The following TMEM132E variants were observed in gnomAD, a reference collection of about 807,000 sequenced individuals.
TMEM132E encodes transmembrane protein 132E.
A neutral mutation model predicts 78.5 loss-of-function variants in TMEM132E; 49 were observed. The observed-to-expected ratio is 0.62, with a 90% CI of 0.50 to 0.79. The LOEUF is 0.79. Among genes scored for constraint, TMEM132E ranks in the 30% least tolerant of loss-of-function variants. TMEM132E has a pLI of 0.00. For synonymous variants in TMEM132E, 715 were observed against 670.6 expected, an observed-to-expected ratio of 1.07 and a Z score of -1.02; for missense variants, 1,403 against 1,470.9, an observed-to-expected ratio of 0.95 and a Z score of 0.75.
intron 1 of TMEM132E, among the ~76,000 whole-genome samples, chr17:34,604,533 T>C (rs1435285276): frequency 6.6e-6 from 1 of 152,160 alleles, no homozygotes; most frequent in Non-Finnish European, 1.5e-5. Flanking sequence ...TTCTCCTGTG[T>C]CATCACCTGC....
Position 34,629,013 on chromosome 17 carries a change from G to T in TMEM132E, c.1147G>T (p.Glu383Ter). Residue 383 changes from glutamate to a stop codon, truncating the protein, a stop_gained and splice_region_variant, in exon 4 of 9, where the codon GAG becomes TAG. Coordinates refer to ENST00000631683, the MANE Select transcript of TMEM132E (RefSeq NM_001304438.2). LOFTEE classifies it high-confidence loss of function. ...TCCTTCCCTCCCCTACCCTGGCAGGGAGGGCCAGGGCCCCTTGGAGATCTT... is the reference window on the plus strand; with the variant it reads ...TCCTTCCCTCCCCTACCCTGGCAGGTAGGGCCAGGGCCCCTTGGAGATCTT... ...WAQSTPLPPR[E>*]GQGPLEILQL... 1.3e-6 allele frequency: 2 copies of T among 1,553,374 alleles called. No homozygotes were observed. The highest frequency in any genetic ancestry group is 1.7e-6 in the Non-Finnish European group (2 of 1,146,218).
chr17:34,616,482 G>C (rs569930190), intron 1 of TMEM132E, among the ~76,000 whole-genome samples: 6 of 152,270 alleles, frequency 3.9e-5, no homozygotes, highest in African/African-American at 1.4e-4. Flanking sequence ...TGTATTCCCC[G>C]GCTACATGTC....
At chr17:34,609,156 A>G (rs1906510547) in intron 1 of TMEM132E, among the ~76,000 whole-genome samples, 1 of 152,178 alleles carries the variant, frequency 6.6e-6, no homozygotes, top group Admixed American at 6.5e-5. Context: ...TGTTTTGAGT[A>G]TGGAGTCTGG....
Position 34,628,722 on chromosome 17 carries a change from T to C in TMEM132E, c.1145+13T>C, listed in dbSNP as rs1907243242. ...CCCTGCCCCCCAGGTGAGCCCGAGG[T>C]GGTGCATCTACCCACCTCTTCGCAA... is the stretch of plus-strand genomic sequence containing the variant. On this transcript the variant is annotated intron_variant, in intron 3 of 8. Transcript: ENST00000631683. 1.3e-6 allele frequency: 2 copies of C among 1,574,610 alleles called. No individual in the cohort carries two copies. The highest frequency in any genetic ancestry group is 1.7e-6 in the Non-Finnish European group (2 of 1,159,140).
At chr17:34,618,740 T>TA (rs1416412098) in intron 1 of TMEM132E, among the ~76,000 whole-genome samples, 1 of 152,198 alleles carries the variant, frequency 6.6e-6, no homozygotes, top group African/African-American at 2.4e-5. Context: ...GCTGATTTTT[T>TA]AAAAAATGAA....
At chr17:34,613,284 G>A (rs1019809122) in intron 1 of TMEM132E, among the ~76,000 whole-genome samples, 3 of 150,854 alleles carry the variant, frequency 2.0e-5, no homozygotes, top group Non-Finnish European at 3.0e-5. Context: ...GATGCAGGCG[G>A]CTGTGCCAGT....
Position 34,581,003 on chromosome 17 carries a change from T to C in TMEM132E, c.-74T>C. On this transcript the variant is annotated 5_prime_UTR_variant, in exon 1 of 9. It removes the in-frame stop codon of an upstream open reading frame in the 5' UTR. Coordinates refer to ENST00000631683, the MANE Select transcript of TMEM132E (RefSeq NM_001304438.2). ...CGCCACGGCAGCCCTGAGTTGGATG[T>C]GACCAAGCCCAGCCTGGGGCCAAGT... 2 of 1,341,590 alleles carry C rather than the reference T, an allele frequency of 1.5e-6. No homozygotes were observed. Among genetic ancestry groups the C allele is most frequent in the South Asian group, 1.4e-5 (1 of 69,904 alleles). The allele number at this position is 1,341,590 out of a possible 1,614,324, so 83.1% of individuals were successfully genotyped here.
intron 1 of TMEM132E, among the ~76,000 whole-genome samples, chr17:34,602,804 T>C (rs1906284900): frequency 6.6e-6 from 1 of 152,128 alleles, no homozygotes; most frequent in African/African-American, 2.4e-5. Context: ...AGTTTCCCTT[T>C]CAAACTCCAC....
At chr17:34,621,776 G>A (rs1312049243) in intron 1 of TMEM132E, among the ~76,000 whole-genome samples, 1 of 152,126 alleles carries the variant, frequency 6.6e-6, no homozygotes, top group Non-Finnish European at 1.5e-5. Flanking sequence ...AATTGTTATG[G>A]GCAGCCTGCT....
At chr17:34,637,082 C>A (rs1907545487) in intron 8 of TMEM132E, 95 bp from the exon 9 acceptor site, 1 of 1,098,914 alleles carries the variant, frequency 9.1e-7, no homozygotes, top group East Asian at 2.4e-5. Context: ...GAGCCAGAGA[C>A]CCGTGGTCCC....
At chr17:34,600,447 G>GTGTGTA (rs1300904751) in intron 1 of TMEM132E, among the ~76,000 whole-genome samples, 3 of 151,886 alleles carry the variant, frequency 2.0e-5, no homozygotes, top group Admixed American at 2.0e-4. Context: ...GTGTGTGTGT[G>GTGTGTA]TGTGTGTGTG....
chr17:34,590,318 C>T (rs1905827972), intron 1 of TMEM132E, among the ~76,000 whole-genome samples: 1 of 152,212 alleles, frequency 6.6e-6, no homozygotes, highest in Non-Finnish European at 1.5e-5. Flanking sequence ...CATAGCTTTC[C>T]TCCTCCACTC....
At chr17:34,630,683 G>C (rs531923118) in intron 5 of TMEM132E, among the ~76,000 whole-genome samples, 1 of 152,268 alleles carries the variant, frequency 6.6e-6, no homozygotes, top group African/African-American at 2.4e-5. Context: ...AAACATATGA[G>C]TTAGGCCAGG....
intron 1 of TMEM132E, among the ~76,000 whole-genome samples, chr17:34,615,239 C>T (rs1906738720): frequency 6.6e-6 from 1 of 152,230 alleles, no homozygotes; most frequent in African/African-American, 2.4e-5. Context: ...TACCCTCGTC[C>T]TCCTTCAGGC....
chr17:34,626,155 C>A lies in TMEM132E; in HGVS notation c.96C>A (p.Pro32=), dbSNP rs1381802119. Residue 32 remains proline, a synonymous_variant, in exon 2 of 9, where the codon CCC becomes CCA. Coordinates refer to ENST00000631683, the MANE Select transcript of TMEM132E (RefSeq NM_001304438.2). ...CTGGCCGCTCCCACCCGGCCAGCCCCAGCCCGCCGGGGCCGCAGGCCAGCC... is the reference window on the plus strand; with the variant it reads ...CTGGCCGCTCCCACCCGGCCAGCCCAAGCCCGCCGGGGCCGCAGGCCAGCC... ...HASGRSHPAS[P]SPPGPQASPV... The A allele has an allele frequency of 6.5e-7, 1 of 1,546,484 alleles. No individual in the cohort carries two copies. Among genetic ancestry groups the A allele is most frequent in the East Asian group, 2.4e-5 (1 of 42,468 alleles).
At chr17:34,636,832 T>C (rs1021517216) in intron 8 of TMEM132E, among the ~76,000 whole-genome samples, 2 of 152,192 alleles carry the variant, frequency 1.3e-5, no homozygotes, top group Non-Finnish European at 2.9e-5. Context: ...CATGGAGATA[T>C]GGAGCTATTC....
At chr17:34,630,186 A>T in intron 5 of TMEM132E, 35 bp downstream of exon 5, 1 of 1,599,172 alleles carries the variant, frequency 6.3e-7, no homozygotes, top group Non-Finnish European at 8.6e-7. Flanking sequence ...CTGGGGAAGA[A>T]GCCCTAGGCC....
Position 34,628,692 on chromosome 17 carries a change from C to T in TMEM132E, c.1128C>T (p.Ser376=). The T allele has an allele frequency of 1.2e-6, 2 of 1,605,516 alleles. No individual in the cohort carries two copies. Among genetic ancestry groups the T allele is most frequent in the Non-Finnish European group, 1.7e-6 (2 of 1,175,140 alleles). The change falls in exon 3 of 9, where the codon AGC becomes AGT. Residue 376 remains serine, a synonymous_variant. Transcript: ENST00000631683. ...TATVDVAWAQ[S]TPLPPREGQG... is the part of the protein sequence containing the mutation. The stretch of plus-strand genomic sequence containing the variant: ...CCGTGGATGTGGCCTGGGCTCAGAG[C>T]ACACCCCTGCCCCCCAGGTGAGCCC...
At chr17:34,606,886 CTG>C (rs1156472812) in intron 1 of TMEM132E, among the ~76,000 whole-genome samples, 3 of 152,204 alleles carry the variant, frequency 2.0e-5, no homozygotes, top group Non-Finnish European at 4.4e-5. Context: ...CGCTCTCTCT[CTG>C]CTCCTTTCCT....
Sources: gnomAD v4.1 joint callset for allele counts (sites outside exome capture counted in the v4.1 genomes callset) on GRCh38, gnomAD v4.1.1 for gene constraint, MANE v1.5 for transcripts, NCBI Gene and HGNC (gene_info 2026-07-23, HGNC 2026-07-21) for gene names.